Variants in TEX11 observed in about 807,000 individuals in gnomAD.
TEX11 encodes testis expressed 11.
A neutral mutation model predicts 84.4 loss-of-function variants in TEX11; 7 were observed. The ratio of observed to expected loss-of-function variants is 0.08; its 90% CI spans 0.05 to 0.16. The LOEUF is 0.16. TEX11 is among the 10% of genes least tolerant of loss of function. The probability of loss-of-function intolerance (pLI) is 1.00; values close to 1 mark genes in which losing one functional copy is unlikely to be tolerated. For missense variants in TEX11, 551 were observed against 660.5 expected (o/e 0.83, Z 1.82); for synonymous variants, 264 against 222.8 (o/e 1.18, Z -1.64).
intron 9 of TEX11, among the ~76,000 whole-genome samples, chrX:70,796,103 G>T (rs746532338): frequency 9.0e-6 from 1 of 111,464 alleles, no homozygotes; most frequent in South Asian, 3.7e-4. Flanking sequence ...AAAAATTCAG[G>T]ATAACACAGA....
chrX:70,565,086 T>G (rs369026292), intron 25 of TEX11, among the ~76,000 whole-genome samples: 1 of 107,273 alleles, frequency 9.3e-6, no homozygotes, highest in East Asian at 2.9e-4. Flanking sequence ...GACTTTTTAA[T>G]GATTGCCATT....
chrX:70,633,784 G>A (rs1176524729), intron 17 of TEX11, among the ~76,000 whole-genome samples: 2 of 110,847 alleles, frequency 1.8e-5, no homozygotes, highest in African/African-American at 6.6e-5. Context: ...CAGGCGTGGT[G>A]GTGCATGCCT....
chrX:70,757,778 C>T (rs1378557365), intron 9 of TEX11, among the ~76,000 whole-genome samples: 1 of 111,515 alleles, frequency 9.0e-6, no homozygotes, highest in African/African-American at 3.3e-5. Context: ...ACAATATGAA[C>T]CTTAAATGTA....
chrX:70,794,595 T>G (rs1330344088), intron 9 of TEX11, among the ~76,000 whole-genome samples: 6 of 106,895 alleles, frequency 5.6e-5, no homozygotes, highest in Non-Finnish European at 1.2e-4. Context: ...AAGGGAAGAG[T>G]AAACAGGGCT....
At position 70,529,649 on chromosome X, in the gene TEX11, T is replaced by C. The variant is rs187394028; in HGVS notation, c.2685+186A>G. Among the ~76,000 whole-genome samples the C allele has an allele frequency of 5.6e-3, 624 of 111,897 alleles. 3 individuals carry two copies. The highest frequency in any genetic ancestry group is 0.019 in the African/African-American group (595 of 30,822). On this transcript the variant is annotated intron_variant, in intron 29 of 29. Coordinates refer to ENST00000374333, the MANE Select transcript of TEX11 (RefSeq NM_031276.3). ...TCCCCCTGTTCTCTGTCCTTCTTGG[T>C]TTTTGCTCTAAGGAATTACTGTTTA...
At position 70,742,760 on chromosome X, in the gene TEX11, T is replaced by C. The variant is rs1298287505; in HGVS notation, c.747+1405A>G. ...TTTTTGGAGATGGAGTCTTACTATG[T>C]TGCCCAGATGGAATGCAGTGGCTAT... On this transcript the variant is annotated intron_variant, in intron 10 of 29. Transcript: ENST00000374333. Among the ~76,000 whole-genome samples, 5 of 110,385 alleles carry C rather than the reference T, an allele frequency of 4.5e-5. No homozygotes were observed. In the East Asian group the frequency reaches 1.4e-3, roughly 31 times the overall value.
At chrX:70,583,304 A>G (rs918165131) in intron 25 of TEX11, among the ~76,000 whole-genome samples, 1 of 111,012 alleles carries the variant, frequency 9.0e-6, no homozygotes, top group African/African-American at 3.3e-5. Context: ...TCCACACTCT[A>G]TGTCCATGTG....
At chrX:70,523,038 C>A in the TEX11 span, among the ~76,000 whole-genome samples, 1 of 110,575 alleles carries the variant, frequency 9.0e-6, no homozygotes, top group African/African-American at 3.3e-5. Flanking sequence ...ATCAAGGAAG[C>A]CTTCAAGTCC....
chrX:70,838,534 C>G (rs1050988367), intron 7 of TEX11, among the ~76,000 whole-genome samples: 2 of 112,505 alleles, frequency 1.8e-5, no homozygotes, highest in South Asian at 7.3e-4. Context: ...AGGAACAGCT[C>G]CAGTCTACAG....
chrX:70,572,898 G>A (rs1426261441), intron 25 of TEX11, among the ~76,000 whole-genome samples: 5 of 107,664 alleles, frequency 4.6e-5, no homozygotes, highest in Non-Finnish European at 1.9e-5. Flanking sequence ...TATACCTAAT[G>A]TTAAATGATG....
At chrX:70,702,002 T>C (rs751784255) in intron 13 of TEX11, among the ~76,000 whole-genome samples, 3 of 112,222 alleles carry the variant, frequency 2.7e-5, no homozygotes, top group Non-Finnish European at 5.6e-5. Context: ...TTTCTTGAGA[T>C]AGAATCTACT....
At chrX:70,708,796 G>A (rs747692926) in intron 13 of TEX11, among the ~76,000 whole-genome samples, 5 of 110,315 alleles carry the variant, frequency 4.5e-5, no homozygotes, top group Admixed American at 9.7e-5. Context: ...GACTAGTAGA[G>A]GGGGGAGAGG....
intron 9 of TEX11, among the ~76,000 whole-genome samples, chrX:70,759,714 T>C (rs2090895192): frequency 1.8e-5 from 2 of 111,564 alleles, no homozygotes; most frequent in Admixed American, 1.9e-4. Context: ...AAGACAAGGA[T>C]GCCCTCTCTC....
chrX:70,582,979 C>T (rs896623101), intron 25 of TEX11, among the ~76,000 whole-genome samples: 3 of 110,239 alleles, frequency 2.7e-5, no homozygotes, highest in African/African-American at 9.9e-5. Context: ...CTCCTGACTT[C>T]AGGTGATCCA....
At chrX:70,897,213 TAAC>T (rs1569463003) in intron 2 of TEX11, among the ~76,000 whole-genome samples, 2 of 38,184 alleles carry the variant, frequency 5.2e-5, no homozygotes, top group African/African-American at 1.1e-4. Flanking sequence ...TATATATATA[TAAC>T]ATATATATAT....
At chrX:70,820,707 G>C (rs952061291) in intron 8 of TEX11, among the ~76,000 whole-genome samples, 1 of 111,019 alleles carries the variant, frequency 9.0e-6, no homozygotes, top group Non-Finnish European at 1.9e-5. Context: ...ACAAGATCTC[G>C]TGTGAACTCT....
At chrX:70,853,520 C>A (rs1221982052) in intron 5 of TEX11, among the ~76,000 whole-genome samples, 192 bp from the exon 6 acceptor site, 1 of 111,674 alleles carries the variant, frequency 9.0e-6, no homozygotes, top group African/African-American at 3.3e-5. Context: ...AAGAAATGGT[C>A]ATAAAGACAA....
At chrX:70,736,231 T>C (rs1283572864) in intron 11 of TEX11, among the ~76,000 whole-genome samples, 1 of 111,536 alleles carries the variant, frequency 9.0e-6, no homozygotes, top group African/African-American at 3.3e-5. Context: ...TTTTCAAAGG[T>C]AATTTTGTGA....
intron 13 of TEX11, among the ~76,000 whole-genome samples, chrX:70,712,920 T>C (rs2090452744): frequency 9.0e-6 from 1 of 111,613 alleles, no homozygotes; most frequent in South Asian, 3.8e-4. Context: ...TGATATAGGC[T>C]GTGGGTTTGT....
Sources: allele counts gnomAD v4.1 joint callset (sites outside exome capture counted in the v4.1 genomes callset), GRCh38; gene constraint gnomAD v4.1.1; transcripts MANE v1.5; gene names NCBI Gene and HGNC (gene_info 2026-07-23, HGNC 2026-07-21).